The following CNDP1 variants were observed in gnomAD, a reference collection of about 807,000 sequenced individuals.
The protein encoded by CNDP1 is beta-Ala-His dipeptidase.
In CNDP1, 44 loss-of-function variants were observed where a neutral mutation model predicts 58.1. The ratio of observed to expected loss-of-function variants is 0.76; its 90% CI spans 0.60 to 0.97. The LOEUF (loss-of-function observed/expected upper bound fraction) is 0.97, where lower values mean the gene tolerates loss of function less well. Ranked by LOEUF, CNDP1 falls within the 50% of genes least tolerant of loss-of-function variation. CNDP1 has a pLI of 0.00. For synonymous variants in CNDP1, 254 were observed against 252.6 expected, an observed-to-expected ratio of 1.01 and a Z score of -0.05; for missense variants, 616 against 655.1, an observed-to-expected ratio of 0.94 and a Z score of 0.65.
intron 1 of CNDP1, among the ~76,000 whole-genome samples, chr18:74,551,385 CACACACACAA>C (rs1156380022): frequency 2.0e-5 from 3 of 150,956 alleles, no homozygotes; most frequent in Non-Finnish European, 2.9e-5. Context: ...CACACACACA[CACACACACAA>C]ACAAAAACAG....
intron 1 of CNDP1, among the ~76,000 whole-genome samples, chr18:74,546,404 C>T (rs903323973): frequency 2.8e-4 from 42 of 152,208 alleles, no homozygotes; most frequent in Admixed American, 1.3e-4. Context: ...AGGGCCCACC[C>T]TAGCGGCTTG....
At chr18:74,573,812 A>G (rs1373469354) in intron 7 of CNDP1, among the ~76,000 whole-genome samples, 1 of 152,236 alleles carries the variant, frequency 6.6e-6, no homozygotes, top group Non-Finnish European at 1.5e-5. Flanking sequence ...ACAAAGGCAC[A>G]TTGCTCTGCT....
chr18:74,542,659 G>A (rs1385018747), intron 1 of CNDP1, among the ~76,000 whole-genome samples: 2 of 152,180 alleles, frequency 1.3e-5, no homozygotes, highest in African/African-American at 2.4e-5. Flanking sequence ...CTGAGTTGCT[G>A]GGACTATAGG....
At position 74,576,981 on chromosome 18, in the gene CNDP1, A is replaced by T; in HGVS notation, c.954A>T (p.Glu318Asp). Reference protein sequence around the residue: ...NTYKAIHLDLEEYRNSSRVEK... With the variant: ...NTYKAIHLDLDEYRNSSRVEK... ...ACAAAGCCATCCATCTAGACCTAGAAGAATACCGGAATAGCAGCCGGGTTG... is the reference window on the plus strand; with the variant it reads ...ACAAAGCCATCCATCTAGACCTAGATGAATACCGGAATAGCAGCCGGGTTG... The change falls in exon 8 of 12, where the codon GAA (glutamate) becomes GAT (aspartate). Residue 318 changes from glutamate to aspartate, a missense_variant. Physicochemically the swap from Glu to Asp is conservative, Grantham distance 45. Coordinates refer to ENST00000358821, the MANE Select transcript of CNDP1 (RefSeq NM_032649.6). 1 of 1,613,426 alleles carries T rather than the reference A, an allele frequency of 6.2e-7. No homozygotes were observed. The highest frequency in any genetic ancestry group is 8.5e-7 in the Non-Finnish European group (1 of 1,179,682).
At chr18:74,544,192 C>T (rs927909632) in intron 1 of CNDP1, among the ~76,000 whole-genome samples, 1 of 151,824 alleles carries the variant, frequency 6.6e-6, no homozygotes, top group Non-Finnish European at 1.5e-5. Flanking sequence ...TTTGAGTTTG[C>T]AGTGAGCAGT....
chr18:74,548,986 A>C (rs1980831539), intron 1 of CNDP1, among the ~76,000 whole-genome samples: 1 of 152,204 alleles, frequency 6.6e-6, no homozygotes, highest in East Asian at 1.9e-4. Flanking sequence ...CTAACAACTT[A>C]TGTTCAGGTG....
chr18:74,565,774 T>C (rs1304978572), intron 5 of CNDP1, among the ~76,000 whole-genome samples: 3 of 152,168 alleles, frequency 2.0e-5, no homozygotes, highest in Non-Finnish European at 4.4e-5. Context: ...AAGCTGTCAG[T>C]GGATCTACCA....
At chr18:74,568,453 A>G (rs1234137990) in intron 6 of CNDP1, among the ~76,000 whole-genome samples, 1 of 152,210 alleles carries the variant, frequency 6.6e-6, no homozygotes, top group Non-Finnish European at 1.5e-5. Flanking sequence ...GCTTTCAAGA[A>G]ACATGGCTGT....
In CNDP1 at chr18:74,586,578, CA is replaced by C. The variant is rs1981919416; in HGVS notation, c.*2017del. Reference sequence around the variant, plus strand: ...TCTTCATTCCTGCTGAATCTGAGACCAGCAGTGTCTCAATTATTACGTTGCT... The same window carrying C: ...TCTTCATTCCTGCTGAATCTGAGACCGCAGTGTCTCAATTATTACGTTGCT... On this transcript the variant is annotated 3_prime_UTR_variant, in exon 12 of 12. Transcript: ENST00000358821. The C allele has an allele frequency of 2.6e-5, 4 of 152,280 alleles. No homozygotes were observed. Among genetic ancestry groups the C allele is most frequent in the Admixed American group, 2.6e-4 (4 of 15,292 alleles). The allele number at this position is 152,280 out of a possible 1,614,324, so 9.4% of individuals were successfully genotyped here.
chr18:74,575,820 G>A (rs1185560312), intron 7 of CNDP1, among the ~76,000 whole-genome samples: 1 of 122,364 alleles, frequency 8.2e-6, no homozygotes, highest in Non-Finnish European at 1.7e-5. Context: ...TATGTATGTA[G>A]GTGTGTATAC....
chr18:74,578,092 T>A (rs967352518), intron 8 of CNDP1, 71 bp from the exon 9 acceptor site: 2 of 1,379,140 alleles, frequency 1.5e-6, no homozygotes, highest in Non-Finnish European at 2.0e-6. Flanking sequence ...AGGCAGAGGG[T>A]GGTAACACAA....
intron 3 of CNDP1, among the ~76,000 whole-genome samples, chr18:74,560,457 T>C (rs912931927): frequency 6.6e-6 from 1 of 152,220 alleles, no homozygotes; most frequent in Non-Finnish European, 1.5e-5. Context: ...CTTGAAATCC[T>C]AGCACTTTAG....
rs77393327 is a variant in CNDP1, at chr18:74,547,054, C to T, written c.25-9284C>T. ...TGCTGACTCCTCCATGGGGACTTGC[C>T]GCCACAGTGAGTTAATCAATCTGCA... On this transcript the variant is annotated intron_variant, in intron 1 of 11. Transcript: ENST00000358821. 9.5e-4 allele frequency among the ~76,000 whole-genome samples: 144 copies of T among 152,302 alleles called. No individual in the cohort carries two copies. The East Asian group carries it at 0.016, about 17-fold the overall frequency.
chr18:74,575,129 GAAA>G (rs1297955823), intron 7 of CNDP1, among the ~76,000 whole-genome samples: 1 of 150,476 alleles, frequency 6.6e-6, no homozygotes, highest in Non-Finnish European at 1.5e-5. Context: ...AGGAAGGAAA[GAAA>G]AAAGAAAGAA....
At chr18:74,541,612 T>A (rs1344253486) in intron 1 of CNDP1, among the ~76,000 whole-genome samples, 2 of 152,128 alleles carry the variant, frequency 1.3e-5, no homozygotes, top group Non-Finnish European at 2.9e-5. Flanking sequence ...GGGTGGTCTG[T>A]TGCATTGTTG....
chr18:74,583,814 C>T (rs778435991), intron 11 of CNDP1, 106 bp downstream of exon 11: 30 of 1,139,750 alleles, frequency 2.6e-5, no homozygotes, highest in Admixed American at 1.2e-4. Flanking sequence ...AATGGAAAAT[C>T]GTCCAGACTG....
intron 5 of CNDP1, 73 bp from the exon 6 acceptor site, chr18:74,567,160 T>G: frequency 2.5e-6 from 3 of 1,214,474 alleles, no homozygotes; most frequent in Non-Finnish European, 3.7e-6. Context: ...ACAATTCAAG[T>G]TGAGATTTGG....
chr18:74,566,592 C>T (rs1174315087), intron 5 of CNDP1, among the ~76,000 whole-genome samples: 1 of 152,236 alleles, frequency 6.6e-6, no homozygotes, highest in East Asian at 1.9e-4. Flanking sequence ...ACAAGAGTCA[C>T]CTTTTCTCCA....
chr18:74,538,859 G>A (rs929300287), intron 1 of CNDP1, among the ~76,000 whole-genome samples: 20 of 152,204 alleles, frequency 1.3e-4, no homozygotes, highest in Admixed American at 3.9e-4. Context: ...CCTCATCCCC[G>A]TCAAGGGATT....
Sources: gnomAD v4.1 joint callset for allele counts (sites outside exome capture counted in the v4.1 genomes callset) on GRCh38, gnomAD v4.1.1 for gene constraint, MANE v1.5 for transcripts, NCBI Gene and HGNC (gene_info 2026-07-23, HGNC 2026-07-21) for gene names.